Variants in MCTP2 observed in about 807,000 individuals in gnomAD.
The protein encoded by MCTP2 is multiple C2 and transmembrane domain containing 2, also known as multiple C2 and transmembrane domain-containing protein 2.
A neutral mutation model predicts 111.6 loss-of-function variants in MCTP2; 132 were observed. That is an observed-to-expected ratio of 1.18 (90% CI 1.03 to 1.37). MCTP2 has a LOEUF of 1.37. MCTP2 is among the 40% of genes most tolerant of loss of function. The probability of loss-of-function intolerance (pLI) is 0.00; values close to 1 mark genes in which losing one functional copy is unlikely to be tolerated. For synonymous variants in MCTP2, 395 were observed against 387.7 expected, an observed-to-expected ratio of 1.02 and a Z score of -0.22; for missense variants, 1,183 against 1,067.9, an observed-to-expected ratio of 1.11 and a Z score of -1.50.
chr15:94,366,208 G>A (rs746579698), intron 10 of MCTP2, among the ~76,000 whole-genome samples: 1 of 152,030 alleles, frequency 6.6e-6, no homozygotes, highest in Admixed American at 6.6e-5. Context: ...AAATTGTTTT[G>A]ATTCAAATCA....
At chr15:94,442,561 T>G (rs74477306) in intron 18 of MCTP2, among the ~76,000 whole-genome samples, 2,317 of 152,340 alleles carry the variant, frequency 0.015, 66 homozygotes, top group African/African-American at 0.052. Context: ...AGCCCAGCAC[T>G]AGTGGAGTAT....
At chr15:94,302,627 G>C (rs2075676394) in intron 2 of MCTP2, among the ~76,000 whole-genome samples, 2 of 152,162 alleles carry the variant, frequency 1.3e-5, no homozygotes, top group Non-Finnish European at 2.9e-5. Flanking sequence ...ATAGGAACCT[G>C]GTTTCGACTT....
At chr15:94,245,057 C>A (rs1337204107) in intron 1 of MCTP2, among the ~76,000 whole-genome samples, 1 of 149,078 alleles carries the variant, frequency 6.7e-6, no homozygotes, top group Non-Finnish European at 1.5e-5. Flanking sequence ...TATACACATA[C>A]ATATGTACCT....
chr15:94,235,864 G>A (rs2070502625), intron 1 of MCTP2, among the ~76,000 whole-genome samples: 1 of 152,220 alleles, frequency 6.6e-6, no homozygotes, highest in Admixed American at 6.5e-5. Context: ...TGTTGGCATT[G>A]GCCAAGAGGC....
intron 1 of MCTP2, chr15:94,292,990 C>A (rs1162636443): frequency 1.3e-5 from 2 of 151,932 alleles, no homozygotes; most frequent in African/African-American, 4.8e-5. Flanking sequence ...TCTTTTAAAA[C>A]AATGACATTG....
At chr15:94,418,919 C>A (rs1217508299) in intron 17 of MCTP2, among the ~76,000 whole-genome samples, 1 of 152,006 alleles carries the variant, frequency 6.6e-6, no homozygotes, top group African/African-American at 2.4e-5. Flanking sequence ...ATGTCTAGAG[C>A]AACGGAGTCT....
intron 17 of MCTP2, among the ~76,000 whole-genome samples, chr15:94,415,475 C>T (rs1225745431): frequency 6.6e-6 from 1 of 152,130 alleles, no homozygotes; most frequent in Non-Finnish European, 1.5e-5. Context: ...CAAAGCGGGG[C>T]TTAAAAGGGT....
In MCTP2 at chr15:94,480,118, C is replaced by T. The variant is rs2074651256; in HGVS notation, c.*1084C>T. On this transcript the variant is annotated 3_prime_UTR_variant, in exon 23 of 23. Coordinates refer to ENST00000357742, the MANE Select transcript of MCTP2 (RefSeq NM_001385001.1). ...TTTGATAGCATCTGTCTCCTGCAGA[C>T]CTCATCATTCCACAGTATTTCCCTG... is the stretch of plus-strand genomic sequence containing the variant. 1.3e-5 allele frequency: 2 copies of T among 152,156 alleles called. No individual in the cohort carries two copies. The highest frequency in any genetic ancestry group is 1.3e-4 in the Admixed American group (2 of 15,280). 9.4% of individuals were successfully genotyped at this position (152,156 alleles called of 1,614,324 possible).
intron 1 of MCTP2, among the ~76,000 whole-genome samples, chr15:94,259,444 A>G (rs932214022): frequency 1.3e-5 from 2 of 152,188 alleles, no homozygotes; most frequent in Non-Finnish European, 2.9e-5. Flanking sequence ...CAATTCAGAA[A>G]CTTTTGCAAA....
intron 2 of MCTP2, among the ~76,000 whole-genome samples, chr15:94,307,655 G>A (rs2075949146): frequency 6.6e-6 from 1 of 152,218 alleles, no homozygotes. Context: ...TAGGGCAGAA[G>A]GAATCGTTGG....
chr15:94,369,390 G>T (rs2079365962), intron 11 of MCTP2, among the ~76,000 whole-genome samples: 1 of 152,200 alleles, frequency 6.6e-6, no homozygotes, highest in Non-Finnish European at 1.5e-5. Flanking sequence ...GGCAGGAGAA[G>T]AGAGTTTATC....
intron 10 of MCTP2, among the ~76,000 whole-genome samples, chr15:94,360,794 C>A (rs150737066): frequency 6.6e-6 from 1 of 151,022 alleles, no homozygotes; most frequent in Admixed American, 6.6e-5. Context: ...TGTTTATAAC[C>A]GAGACATATA....
chr15:94,384,080 C>T lies in MCTP2; in HGVS notation c.1641C>T (p.Thr547=). 8 of 1,613,702 alleles carry T rather than the reference C, an allele frequency of 5.0e-6. No homozygotes were observed. The highest frequency in any genetic ancestry group is 1.6e-4 in the Middle Eastern group (1 of 6,082). The part of the protein sequence containing the change: ...ELGNDRLQTH[T]VYKNLNPEWN... ...GCAATGACCGACTTCAGACGCATAC[C>T]GTCTACAAAAACCTCAACCCTGAAT... Residue 547 remains threonine, a synonymous_variant, in exon 13 of 23, where the codon ACC becomes ACT. Coordinates refer to ENST00000357742, the MANE Select transcript of MCTP2 (RefSeq NM_001385001.1).
intron 20 of MCTP2, among the ~76,000 whole-genome samples, chr15:94,460,304 G>C (rs1411794873): frequency 2.6e-5 from 4 of 152,132 alleles, no homozygotes; most frequent in Non-Finnish European, 5.9e-5. Flanking sequence ...GATGAATGAG[G>C]GCTTCAGTAG....
chr15:94,325,836 T>C (rs1410635217), intron 4 of MCTP2, among the ~76,000 whole-genome samples: 1 of 70,342 alleles, frequency 1.4e-5, no homozygotes, highest in Non-Finnish European at 3.1e-5. Context: ...TTTTTTTTTT[T>C]TTGAGACGGA....
rs2085076383 is a variant in MCTP2, at chr15:94,459,853, T to C, written c.2360+1607T>C. On this transcript the variant is annotated intron_variant, in intron 20 of 22. Transcript: ENST00000357742. Reference sequence around the variant, plus strand: ...GTTATCGCATGCCAGCCATGCACTCTTCTAAGCCCTTTAAACACACTAGCT... The same window carrying C: ...GTTATCGCATGCCAGCCATGCACTCCTCTAAGCCCTTTAAACACACTAGCT... Among the ~76,000 whole-genome samples, 5 of 152,220 alleles carry C rather than the reference T, an allele frequency of 3.3e-5. No individual in the cohort carries two copies. The South Asian group carries it at 1.0e-3, about 32-fold the overall frequency.
At chr15:94,418,966 C>A (rs1184519539) in intron 17 of MCTP2, among the ~76,000 whole-genome samples, 1 of 152,012 alleles carries the variant, frequency 6.6e-6, no homozygotes, top group East Asian at 1.9e-4. Context: ...TAAGATAATA[C>A]ATTTTATATG....
chr15:94,280,284 G>A lies in MCTP2; in HGVS notation c.-65-17917G>A, dbSNP rs564495694. Among the ~76,000 whole-genome samples the A allele has an allele frequency of 3.9e-5, 6 of 151,988 alleles. 1 individual carries two copies. In the South Asian group the frequency reaches 1.2e-3, roughly 32 times the overall value. On this transcript the variant is annotated intron_variant, in intron 1 of 22. Coordinates refer to ENST00000357742, the MANE Select transcript of MCTP2 (RefSeq NM_001385001.1). ...ATTTTTTATTAGTGATTCAATTTCA[G>A]AACTCACTGTTGGTCAGATCAGAAT...
intron 1 of MCTP2, among the ~76,000 whole-genome samples, chr15:94,244,954 TTATA>T (rs1413080425): frequency 1.2e-4 from 15 of 126,980 alleles, no homozygotes; most frequent in South Asian, 2.5e-4. Flanking sequence ...ATGCACCTGT[TTATA>T]TACGTATATG....
Sources: allele counts gnomAD v4.1 joint callset (sites outside exome capture counted in the v4.1 genomes callset), GRCh38; gene constraint gnomAD v4.1.1; transcripts MANE v1.5; gene names NCBI Gene and HGNC (gene_info 2026-07-23, HGNC 2026-07-21).